Variants in NKAIN3 observed in about 807,000 individuals in gnomAD.
NKAIN3 encodes the protein sodium/potassium transporting ATPase interacting 3, also known as sodium/potassium-transporting ATPase subunit beta-1-interacting protein 3.
A neutral mutation model predicts 30.2 loss-of-function variants in NKAIN3; 25 were observed. The observed-to-expected ratio is 0.83, with a 90% CI of 0.60 to 1.16. The LOEUF (loss-of-function observed/expected upper bound fraction) is 1.16. NKAIN3 is among the 50% of genes most tolerant of loss of function. The probability of loss-of-function intolerance (pLI) is 0.00; values close to 1 mark genes in which losing one functional copy is unlikely to be tolerated. For synonymous variants in NKAIN3, 91 were observed against 89.6 expected (o/e 1.02, Z -0.09); for missense variants, 225 against 254.1 (o/e 0.89, Z 0.78).
chr8:62,698,840 C>A (rs909704050), intron 3 of NKAIN3, among the ~76,000 whole-genome samples: 2 of 152,124 alleles, frequency 1.3e-5, no homozygotes, highest in Non-Finnish European at 2.9e-5. Context: ...CGGAACCACG[C>A]AACAATCCAC....
In NKAIN3 at chr8:62,984,870, T is replaced by C. The variant is rs903263338; in HGVS notation, c.*19463T>C. On this transcript the variant is annotated 3_prime_UTR_variant, in exon 7 of 7. Transcript: ENST00000623646. ...AAGTTAGCAGTAATAGACTATTCTT[T>C]TCAACTATGAATAAAAATGTACACT... is the stretch of plus-strand genomic sequence containing the variant. 1 of 152,210 alleles carries C rather than the reference T, an allele frequency of 6.6e-6. No individual in the cohort carries two copies. Among genetic ancestry groups the C allele is most frequent in the African/African-American group, 2.4e-5 (1 of 41,450 alleles). The allele number at this position is 152,210 out of a possible 1,614,324, so 9.4% of individuals were successfully genotyped here. A position where few individuals can be genotyped will look rare whatever the true frequency, so the allele number is the denominator to read the frequency against.
chr8:62,783,169 C>T (rs1817409171), intron 4 of NKAIN3, among the ~76,000 whole-genome samples: 1 of 151,918 alleles, frequency 6.6e-6, no homozygotes, highest in Admixed American at 6.6e-5. Flanking sequence ...TTTTGTCCCC[C>T]CAAAATTCAT....
Position 62,549,769 on chromosome 8 carries a change from T to A in NKAIN3, c.55-29770T>A, listed in dbSNP as rs545758997. Among the ~76,000 whole-genome samples, 6 of 152,006 alleles carry A rather than the reference T, an allele frequency of 3.9e-5. No individual in the cohort carries two copies. The South Asian group carries it at 1.3e-3, about 32-fold the overall frequency. ...AATCTGCCTTGCTAGATAAAAGTTT[T>A]AGAATTGATTTTTATTCCAAACTTA... On this transcript the variant is annotated intron_variant, in intron 1 of 6. Coordinates refer to ENST00000623646, the MANE Select transcript of NKAIN3 (RefSeq NM_001304533.3).
intron 1 of NKAIN3, among the ~76,000 whole-genome samples, chr8:62,504,291 C>T (rs1807562570): frequency 6.6e-6 from 1 of 152,194 alleles, no homozygotes; most frequent in African/African-American, 2.4e-5. Context: ...GGGACCACTG[C>T]TATAAAACCT....
intron 3 of NKAIN3, among the ~76,000 whole-genome samples, chr8:62,596,994 A>G (rs932190306): frequency 6.6e-6 from 1 of 152,042 alleles, no homozygotes; most frequent in African/African-American, 2.4e-5. Flanking sequence ...TGCCGTTCAC[A>G]TCATGAGATG....
At chr8:62,740,580 A>T (rs1815832314) in intron 3 of NKAIN3, among the ~76,000 whole-genome samples, 1 of 152,182 alleles carries the variant, frequency 6.6e-6, no homozygotes, top group Non-Finnish European at 1.5e-5. Flanking sequence ...GAATAATAAT[A>T]GAGAGACTAG....
intron 4 of NKAIN3, among the ~76,000 whole-genome samples, chr8:62,787,508 A>C (rs914597262): frequency 3.3e-5 from 5 of 152,078 alleles, no homozygotes; most frequent in Admixed American, 3.3e-4. Flanking sequence ...TCAGTTAATA[A>C]ATACTATCAT....
intron 1 of NKAIN3, among the ~76,000 whole-genome samples, chr8:62,251,647 A>G (rs1812105925): frequency 6.6e-6 from 1 of 152,228 alleles, no homozygotes; most frequent in South Asian, 2.1e-4. Context: ...ATAGCTATTG[A>G]CAATGTAATG....
intron 5 of NKAIN3, among the ~76,000 whole-genome samples, chr8:62,996,555 T>A (rs1804118523): frequency 6.6e-6 from 1 of 152,126 alleles, no homozygotes; most frequent in Non-Finnish European, 1.5e-5. Context: ...AAGTCTTAAC[T>A]CATTCCAGCA....
At chr8:62,557,204 C>G (rs186733865) in intron 1 of NKAIN3, among the ~76,000 whole-genome samples, 1 of 152,184 alleles carries the variant, frequency 6.6e-6, no homozygotes, top group Admixed American at 6.5e-5. Flanking sequence ...GCAATAGTCT[C>G]CAGTCTCATC....
intron 1 of NKAIN3, among the ~76,000 whole-genome samples, chr8:62,492,481 T>G (rs372471950): frequency 1.3e-5 from 2 of 152,158 alleles, no homozygotes; most frequent in African/African-American, 2.4e-5. Flanking sequence ...CCTACCTTAT[T>G]GAATTGTTTT....
chr8:62,728,892 A>G (rs1457162966), intron 3 of NKAIN3, among the ~76,000 whole-genome samples: 1 of 151,272 alleles, frequency 6.6e-6, no homozygotes, highest in Non-Finnish European at 1.5e-5. Context: ...CAGGAGGCTG[A>G]GGCAGGAGAA....
chr8:62,697,977 C>T (rs915676252), intron 3 of NKAIN3, among the ~76,000 whole-genome samples: 24 of 151,864 alleles, frequency 1.6e-4, no homozygotes, highest in Non-Finnish European at 2.6e-4. Flanking sequence ...AAATATAGAA[C>T]GAAATCTTGT....
chr8:62,967,314 T>A lies in NKAIN3; in HGVS notation c.*1907T>A, dbSNP rs73683961. On this transcript the variant is annotated 3_prime_UTR_variant, in exon 7 of 7. Transcript: ENST00000623646. ...CCACCACCATGTTCTTGGACAGTGT[T>A]TGCCATCTCTGCACTACAGTTTTCC... Among the ~76,000 whole-genome samples, 3,079 of 152,254 alleles carry A rather than the reference T, an allele frequency of 0.02. 90 individuals are homozygous for A. Among genetic ancestry groups the A allele is most frequent in the African/African-American group, 0.066 (2,730 of 41,544 alleles).
At chr8:62,500,424 GGAAAGAAAGAAA>G (rs372867878) in intron 1 of NKAIN3, among the ~76,000 whole-genome samples, 11,766 of 103,536 alleles carry the variant, frequency 0.11, 680 homozygotes, top group African/African-American at 0.14. Context: ...AAGGAAGAAA[GGAAAGAAAGAAA>G]GAAAGAAAGA....
rs73267385 is a variant in NKAIN3 at position 62,514,719 on chromosome 8, G to C, written c.55-64820G>C. 6.5e-3 allele frequency among the ~76,000 whole-genome samples: 985 copies of C among 152,248 alleles called. 12 individuals carry two copies. Among genetic ancestry groups the C allele is most frequent in the African/African-American group, 0.023 (953 of 41,554 alleles). Reference sequence around the variant, plus strand: ...CCCACCCTTCCTAGATGGATGTAGTGTAAGGGATGTTAATACACCTAAAAG... The same window carrying C: ...CCCACCCTTCCTAGATGGATGTAGTCTAAGGGATGTTAATACACCTAAAAG... On this transcript the variant is annotated intron_variant, in intron 1 of 6. Transcript: ENST00000623646.
At chr8:62,563,635 A>G (rs1204158353) in intron 1 of NKAIN3, among the ~76,000 whole-genome samples, 1 of 152,158 alleles carries the variant, frequency 6.6e-6, no homozygotes, top group Non-Finnish European at 1.5e-5. Context: ...GTTAAGCACC[A>G]TAGCTTGAAA....
At chr8:62,695,290 T>C (rs1350249783) in intron 3 of NKAIN3, among the ~76,000 whole-genome samples, 1 of 152,158 alleles carries the variant, frequency 6.6e-6, no homozygotes, top group Non-Finnish European at 1.5e-5. Flanking sequence ...GTACATGACA[T>C]CAGGCAATGG....
At chr8:62,854,899 C>T (rs1480847833) in intron 4 of NKAIN3, among the ~76,000 whole-genome samples, 1 of 152,134 alleles carries the variant, frequency 6.6e-6, no homozygotes, top group Non-Finnish European at 1.5e-5. Flanking sequence ...GTTTAACATC[C>T]CACTGACATT....
Sources: gnomAD v4.1 joint callset for allele counts (sites outside exome capture counted in the v4.1 genomes callset) on GRCh38, gnomAD v4.1.1 for gene constraint, MANE v1.5 for transcripts, NCBI Gene and HGNC (gene_info 2026-07-23, HGNC 2026-07-21) for gene names.